MAP3K2: variants seen among roughly 807,000 people sequenced by gnomAD.
MAP3K2 encodes MAP/ERK kinase kinase 2.
Under a neutral mutation model 80.3 loss-of-function variants are expected in MAP3K2, and 24 were observed. The observed-to-expected ratio is 0.30, with a 90% CI of 0.22 to 0.42. MAP3K2 has a LOEUF of 0.42. Among genes scored for constraint, MAP3K2 ranks in the 10% least tolerant of loss-of-function variants. The pLI is 1.00. For synonymous variants in MAP3K2, 244 were observed against 253.7 expected (o/e 0.96, Z 0.36); for missense variants, 608 against 750.1 (o/e 0.81, Z 2.21).
chr2:127,320,843 G>A (rs1417900574), intron 12 of MAP3K2, among the ~76,000 whole-genome samples: 1 of 152,190 alleles, frequency 6.6e-6, no homozygotes, highest in Non-Finnish European at 1.5e-5. Flanking sequence ...GAAAGGCCAG[G>A]TGCAGTGGCT....
At chr2:127,338,759 G>A (rs746346359) in intron 3 of MAP3K2, among the ~76,000 whole-genome samples, 173 bp downstream of exon 3, 1 of 152,048 alleles carries the variant, frequency 6.6e-6, no homozygotes. Flanking sequence ...TTGATTCCAC[G>A]TCTTTGCTAC....
chr2:127,353,606 C>A (rs554272895), intron 1 of MAP3K2, among the ~76,000 whole-genome samples: 3 of 151,044 alleles, frequency 2.0e-5, no homozygotes, highest in Non-Finnish European at 2.9e-5. Context: ...CCGCCCCGTC[C>A]GGGAGGGAGG....
At chr2:127,353,039 C>T (rs1040787338) in intron 1 of MAP3K2, among the ~76,000 whole-genome samples, 3 of 152,212 alleles carry the variant, frequency 2.0e-5, no homozygotes, top group East Asian at 1.9e-4. Context: ...GGCGTGATCT[C>T]GGCTGGCTAC....
chr2:127,368,335 T>C (rs569823056), intron 1 of MAP3K2, among the ~76,000 whole-genome samples: 1 of 134,540 alleles, frequency 7.4e-6, no homozygotes, highest in Non-Finnish European at 1.6e-5. Context: ...AAAATAAAAA[T>C]AAGGCGGTCG....
chr2:127,334,389 C>CTA (rs1261263318), intron 5 of MAP3K2, among the ~76,000 whole-genome samples: 1 of 152,144 alleles, frequency 6.6e-6, no homozygotes. Flanking sequence ...CTAGGCTCCC[C>CTA]TATAATCATC....
chr2:127,366,061 T>C (rs1354364399), intron 1 of MAP3K2, among the ~76,000 whole-genome samples: 1 of 152,208 alleles, frequency 6.6e-6, no homozygotes, highest in Non-Finnish European at 1.5e-5. Context: ...CAAACAAACC[T>C]TGTTTTATCA....
intron 4 of MAP3K2, among the ~76,000 whole-genome samples, chr2:127,337,208 CA>C (rs1460347858): frequency 1.3e-5 from 2 of 151,974 alleles, no homozygotes; most frequent in Non-Finnish European, 2.9e-5. Flanking sequence ...TGTCAACTAC[CA>C]CCCTATCATT....
intron 7 of MAP3K2, among the ~76,000 whole-genome samples, chr2:127,327,487 T>C (rs1686167014): frequency 6.6e-6 from 1 of 151,726 alleles, no homozygotes; most frequent in East Asian, 1.9e-4. Flanking sequence ...ATAATACTGG[T>C]CCCTAATATT....
intron 1 of MAP3K2, among the ~76,000 whole-genome samples, chr2:127,348,896 T>C (rs1466981139): frequency 1.3e-5 from 2 of 152,144 alleles, no homozygotes; most frequent in African/African-American, 4.8e-5. Flanking sequence ...CTCAGTATTA[T>C]CAGATATGCT....
chr2:127,312,869 G>T (rs566371453), intron 15 of MAP3K2, among the ~76,000 whole-genome samples: 2 of 151,918 alleles, frequency 1.3e-5, no homozygotes, highest in African/African-American at 4.8e-5. Context: ...AGATGAGGCA[G>T]GAGAATCACT....
chr2:127,370,363 G>A (rs537093629), intron 1 of MAP3K2, among the ~76,000 whole-genome samples: 3 of 152,240 alleles, frequency 2.0e-5, no homozygotes, highest in Admixed American at 6.5e-5. Flanking sequence ...TCTGCGGGTC[G>A]GACCCGGAAG....
intron 13 of MAP3K2, among the ~76,000 whole-genome samples, 195 bp downstream of exon 13, chr2:127,317,974 A>G (rs917199224): frequency 6.6e-6 from 1 of 152,202 alleles, no homozygotes; most frequent in African/African-American, 2.4e-5. Flanking sequence ...AGTACTAAAA[A>G]AGAAAAATCC....
At chr2:127,379,119 G>C (rs1025935704) in intron 1 of MAP3K2, among the ~76,000 whole-genome samples, 2 of 151,538 alleles carry the variant, frequency 1.3e-5, no homozygotes, top group Admixed American at 6.6e-5. Flanking sequence ...ATGGTGCCTG[G>C]CCTCTATGTT....
chr2:127,314,906 T>C (rs774763968), intron 14 of MAP3K2, 23 bp from the exon 15 acceptor site: 1 of 1,544,968 alleles, frequency 6.5e-7, no homozygotes, highest in Admixed American at 1.9e-5. Context: ...AAAACAAAAA[T>C]AAAAACTACT....
intron 5 of MAP3K2, among the ~76,000 whole-genome samples, chr2:127,332,679 T>A (rs568787692): frequency 1.4e-4 from 22 of 152,256 alleles, no homozygotes; most frequent in Non-Finnish European, 2.9e-4. Flanking sequence ...TCTATCACCC[T>A]CTGGCTTATT....
chr2:127,331,276 TAAG>T (rs771220826), intron 5 of MAP3K2, among the ~76,000 whole-genome samples: 14 of 152,136 alleles, frequency 9.2e-5, no homozygotes, highest in Middle Eastern at 3.2e-3. Flanking sequence ...TTTAGTAACT[TAAG>T]AAGACTCTGT....
chr2:127,312,871 A>C (rs535046648), intron 15 of MAP3K2, among the ~76,000 whole-genome samples: 21 of 151,798 alleles, frequency 1.4e-4, no homozygotes, highest in African/African-American at 4.3e-4. Flanking sequence ...ATGAGGCAGG[A>C]GAATCACTTG....
At chr2:127,349,739 G>A (rs542378276) in intron 1 of MAP3K2, among the ~76,000 whole-genome samples, 7 of 152,130 alleles carry the variant, frequency 4.6e-5, no homozygotes, top group Admixed American at 3.3e-4. Flanking sequence ...TACCTTTTGA[G>A]GAAACAACTA....
chr2:127,332,856 G>A (rs72964348), intron 5 of MAP3K2, among the ~76,000 whole-genome samples: 3,314 of 152,200 alleles, frequency 0.022, 122 homozygotes, highest in African/African-American at 0.076. Flanking sequence ...CAGGCTGGAC[G>A]CAGTGGCTCA....
Sources: allele counts gnomAD v4.1 joint callset (sites outside exome capture counted in the v4.1 genomes callset), GRCh38; gene constraint gnomAD v4.1.1; transcripts MANE v1.5; gene names NCBI Gene and HGNC (gene_info 2026-07-23, HGNC 2026-07-21).